USP43: variants seen among roughly 807,000 people sequenced by gnomAD.
The protein encoded by USP43 is ubiquitin specific peptidase 43.
Under a neutral mutation model 90.7 loss-of-function variants are expected in USP43, and 33 were observed. The observed-to-expected ratio is 0.36, with a 90% confidence interval of 0.28 to 0.49. The LOEUF (loss-of-function observed/expected upper bound fraction) is 0.49. USP43 is among the 20% of genes least tolerant of loss of function. USP43 has a pLI of 0.98. For missense variants in USP43, 1,274 were observed against 1,476.4 expected, an observed-to-expected ratio of 0.86 and a Z score of 2.25; for synonymous variants, 598 against 615.8, an observed-to-expected ratio of 0.97 and a Z score of 0.43.
At chr17:9,711,583 C>T (rs967257568) in intron 13 of USP43, among the ~76,000 whole-genome samples, 3 of 152,134 alleles carry the variant, frequency 2.0e-5, no homozygotes, top group Admixed American at 6.5e-5. Context: ...GCGCCCACCA[C>T]CACGCCCAGC....
At chr17:9,666,819 C>A in intron 3 of USP43, 68 bp downstream of exon 3, 1 of 1,232,536 alleles carries the variant, frequency 8.1e-7, no homozygotes, top group South Asian at 1.3e-5. Context: ...GGTAACCAGT[C>A]TCCCATTGAC....
In USP43 at chr17:9,701,436, G is replaced by T; in HGVS notation, c.1747G>T (p.Asp583Tyr). 1 of 1,600,038 alleles carries T rather than the reference G, an allele frequency of 6.2e-7. No individual in the cohort carries two copies. Among genetic ancestry groups the T allele is most frequent in the Non-Finnish European group, 8.5e-7 (1 of 1,173,580 alleles). ...GAAGCTGAGTTTGTGGACGCTGCCT[G>T]ACATCCTCATCATCCACCTCAAAAG... The part of the protein sequence containing the change: ...MVKLSLWTLP[D>Y]ILIIHLKRFC... Residue 583 changes from aspartate (D) to tyrosine (Y), a missense_variant, in exon 12 of 15, where the codon GAC becomes TAC. Asp to Tyr is a radical substitution (Grantham distance 160). Around this residue, in one of 6 missense-constraint regions of USP43, gnomAD observed 12 missense variants for 40.8 expected, o/e 0.29. Coordinates refer to ENST00000285199, the MANE Select transcript of USP43 (RefSeq NM_153210.5). This position sits in a 1 kb window ranked among gnomAD's most constrained non-coding sequence, Gnocchi z 7.2.
chr17:9,718,685 A>G (rs1916749817), intron 14 of USP43, among the ~76,000 whole-genome samples: 1 of 151,854 alleles, frequency 6.6e-6, no homozygotes. Flanking sequence ...TACTAAAAAT[A>G]CAAAATTAGC....
At chr17:9,722,966 C>T (rs1917045294) in intron 14 of USP43, among the ~76,000 whole-genome samples, 1 of 152,206 alleles carries the variant, frequency 6.6e-6, no homozygotes, top group Non-Finnish European at 1.5e-5. Flanking sequence ...CACTATTTTT[C>T]TCCTCTTTGT....
At chr17:9,654,576 T>C (rs901611448) in intron 1 of USP43, among the ~76,000 whole-genome samples, 4 of 149,320 alleles carry the variant, frequency 2.7e-5, no homozygotes, top group African/African-American at 5.0e-5. Flanking sequence ...CTTGAACCCA[T>C]AGGTGGAGAT....
chr17:9,687,439 G>GT (rs1458522646), intron 8 of USP43, among the ~76,000 whole-genome samples: 2 of 152,100 alleles, frequency 1.3e-5, no homozygotes, highest in South Asian at 2.1e-4. Flanking sequence ...AGTTTGTCCA[G>GT]TTTTTTAAAA....
chr17:9,693,368 T>C (rs1381086083), intron 9 of USP43, 138 bp downstream of exon 9: 2 of 711,936 alleles, frequency 2.8e-6, no homozygotes, highest in Admixed American at 5.0e-5. Context: ...CCAGCCGCTA[T>C]GTTAGGTCAT....
chr17:9,683,008 C>G, intron 7 of USP43, 50 bp downstream of exon 7: 1 of 1,598,418 alleles, frequency 6.3e-7, no homozygotes, highest in Non-Finnish European at 8.6e-7. Context: ...ATTTGTAGAC[C>G]TGTACTTGGG....
intron 6 of USP43, among the ~76,000 whole-genome samples, chr17:9,681,637 G>T (rs554355914): frequency 6.7e-6 from 1 of 150,128 alleles, no homozygotes; most frequent in East Asian, 2.0e-4. Context: ...GGGACTACAG[G>T]TGTCTGCCAC....
Position 9,720,464 on chromosome 17 carries a change from A to G in USP43, c.2336-7490A>G, listed in dbSNP as rs932394509. ...GGTACCACCTCTCCTTCCCACTATCATGAGTTTGCAAATATGTAGGAGAGG... is the reference window on the plus strand; with the variant it reads ...GGTACCACCTCTCCTTCCCACTATCGTGAGTTTGCAAATATGTAGGAGAGG... On this transcript the variant is annotated intron_variant, in intron 14 of 14. Coordinates refer to ENST00000285199, the MANE Select transcript of USP43 (RefSeq NM_153210.5). Among the ~76,000 whole-genome samples the G allele has an allele frequency of 4.7e-5, 7 of 150,420 alleles. No homozygotes were observed. The East Asian group carries it at 9.8e-4, about 21-fold the overall frequency.
intron 9 of USP43, among the ~76,000 whole-genome samples, chr17:9,698,146 T>C (rs2151986359): frequency 6.6e-6 from 1 of 152,336 alleles, no homozygotes; most frequent in African/African-American, 2.4e-5. Flanking sequence ...TTTGGAGAGA[T>C]GTCTTTCATG....
chr17:9,677,195 T>A (rs768124490), intron 5 of USP43, among the ~76,000 whole-genome samples: 10 of 152,232 alleles, frequency 6.6e-5, no homozygotes, highest in Non-Finnish European at 1.5e-4. Context: ...AACTTTCTAT[T>A]CATGCCTGAT....
At chr17:9,684,322 A>T (rs781253024) in intron 7 of USP43, among the ~76,000 whole-genome samples, 2 of 152,144 alleles carry the variant, frequency 1.3e-5, no homozygotes, top group Non-Finnish European at 2.9e-5. Context: ...ACAAATGAGG[A>T]AAGATATTTA....
At chr17:9,715,200 C>T (rs746770513) in intron 14 of USP43, among the ~76,000 whole-genome samples, 24 of 152,204 alleles carry the variant, frequency 1.6e-4, no homozygotes, top group Non-Finnish European at 2.9e-4. Flanking sequence ...TCAGATCACG[C>T]CTGGAACCCT....
intron 5 of USP43, among the ~76,000 whole-genome samples, chr17:9,678,052 G>A (rs957284768): frequency 6.6e-5 from 10 of 152,170 alleles, no homozygotes; most frequent in Admixed American, 1.3e-4. Context: ...TGAAAGAGAC[G>A]GAGAGAGAGG....
At chr17:9,710,397 A>C (rs1419444671) in intron 13 of USP43, among the ~76,000 whole-genome samples, 1 of 151,558 alleles carries the variant, frequency 6.6e-6, no homozygotes, top group Admixed American at 6.6e-5. Flanking sequence ...TCTCACTCAT[A>C]TCACAGCAGG....
intron 7 of USP43, among the ~76,000 whole-genome samples, chr17:9,683,296 G>A (rs536957574): frequency 6.6e-5 from 10 of 152,174 alleles, no homozygotes; most frequent in African/African-American, 2.2e-4. Context: ...TGTCTGTCCA[G>A]AAAACCAAGA....
intron 4 of USP43, among the ~76,000 whole-genome samples, chr17:9,675,447 G>A (rs2084085027): frequency 6.6e-6 from 1 of 152,184 alleles, no homozygotes; most frequent in Non-Finnish European, 1.5e-5. Context: ...AAGAAAAGTG[G>A]AGGTAGGGCT....
At chr17:9,718,482 C>A (rs749302563) in intron 14 of USP43, among the ~76,000 whole-genome samples, 3 of 152,138 alleles carry the variant, frequency 2.0e-5, no homozygotes, top group Non-Finnish European at 4.4e-5. Context: ...ATTTGGGCTG[C>A]CAAAATTTCA....
Sources: allele counts gnomAD v4.1 joint callset (sites outside exome capture counted in the v4.1 genomes callset), GRCh38; gene constraint gnomAD v4.1.1; regional missense constraint gnomAD v4.1.1; non-coding constraint Gnocchi (gnomAD v3.1); transcripts MANE v1.5; gene names NCBI Gene and HGNC (gene_info 2026-07-23, HGNC 2026-07-21).